MED25: variants seen among roughly 807,000 people sequenced by gnomAD.
MED25 encodes mediator complex subunit 25.
In MED25, 62 loss-of-function variants were observed where a neutral mutation model predicts 89.4. The observed-to-expected ratio is 0.69, with a 90% CI of 0.57 to 0.86. The LOEUF (loss-of-function observed/expected upper bound fraction) is 0.86. MED25 is among the 40% of genes least tolerant of loss of function. The pLI, the probability that MED25 is intolerant of heterozygous loss-of-function variation, is 0.00. For synonymous variants in MED25, 449 were observed against 427.9 expected (o/e 1.05, Z -0.61); for missense variants, 905 against 1,005.2 (o/e 0.90, Z 1.35).
Position 49,831,278 on chromosome 19 carries a change from C to T in MED25, c.1102-55C>T, listed in dbSNP as rs1465417183. 3 of 1,581,222 alleles carry T rather than the reference C, an allele frequency of 1.9e-6. No individual in the cohort carries two copies. The highest frequency in any genetic ancestry group is 2.3e-5 in the East Asian group (1 of 44,046). ...CTGGTTTGCCCTCACAGGATGGCCC[C>T]CGGAGGCTCCCGGCCTTCCCCATTC... On this transcript the variant is annotated intron_variant, in intron 9 of 17. Transcript: ENST00000312865. This position sits in a 1 kb window ranked among gnomAD's most constrained non-coding sequence, Gnocchi z 5.0.
intron 3 of MED25, among the ~76,000 whole-genome samples, chr19:49,822,352 A>G (rs1438557111): frequency 1.3e-5 from 2 of 150,746 alleles, no homozygotes; most frequent in Non-Finnish European, 2.9e-5. Context: ...AGGCTGAGGC[A>G]GGAGAATCAC....
chr19:49,836,834 C>A lies in MED25; in HGVS notation c.2147-13C>A, dbSNP rs371599233. ...CTACTGGGAGATGCAGTCCCTTCCC[C>A]ACTGCCCCTCAGGTCAGATGCTGCT... On this transcript the variant is annotated splice_polypyrimidine_tract_variant and intron_variant, in intron 17 of 17. Transcript: ENST00000312865. The surrounding 1 kb of genome is among the most constrained non-coding windows in gnomAD (Gnocchi z 5.1). The A allele has an allele frequency of 1.2e-6, 2 of 1,601,694 alleles. No individual in the cohort carries two copies. The highest frequency in any genetic ancestry group is 3.4e-5 in the Admixed American group (2 of 59,698).
chr19:49,831,468 G>A lies in MED25; in HGVS notation c.1230+7G>A, dbSNP rs1412475364. 7.4e-6 allele frequency: 12 copies of A among 1,611,618 alleles called. No homozygotes were observed. The highest frequency in any genetic ancestry group is 1.0e-5 in the Non-Finnish European group (12 of 1,178,896). ...GGTCCTGGAGTGGCAAGAGGTGAGG[G>A]GCCTGAGGGTCCATTGGGCACTTGG... is the stretch of plus-strand genomic sequence containing the variant. On this transcript the variant is annotated splice_region_variant and intron_variant, in intron 10 of 17. Transcript: ENST00000312865. The surrounding 1 kb of genome is among the most constrained non-coding windows in gnomAD (Gnocchi z 5.0).
chr19:49,832,204 C>G, intron 12 of MED25, 47 bp downstream of exon 12: 1 of 1,599,784 alleles, frequency 6.3e-7, no homozygotes, highest in Non-Finnish European at 8.5e-7. Context: ...AGTCCTCACC[C>G]TGCTGTCTCT....
At position 49,830,443 on chromosome 19, in the gene MED25, C is replaced by T. The variant is rs1289258957; in HGVS notation, c.820-68C>T. 7.9e-6 allele frequency: 12 copies of T among 1,517,632 alleles called. No individual in the cohort carries two copies. The South Asian group carries it at 1.0e-4, about 13-fold the overall frequency. 94.0% of individuals were successfully genotyped at this position (1,517,632 alleles called of 1,614,324 possible). On this transcript the variant is annotated intron_variant, in intron 7 of 17. Coordinates refer to ENST00000312865, the MANE Select transcript of MED25 (RefSeq NM_030973.4). This position sits in a 1 kb window ranked among gnomAD's most constrained non-coding sequence, Gnocchi z 4.6. ...CATGGGGCCATGGGTGGTGTGACCT[C>T]GTGGGATACCAGGACTGGGGGGCCA...
chr19:49,836,151 C>T lies in MED25; in HGVS notation c.1966-75C>T. ...TCCCCTCACCACTAGCTGATTCCAT[C>T]TCTGAGCAGTGTCTGTGTTGAGAGG... is the stretch of plus-strand genomic sequence containing the variant. On this transcript the variant is annotated intron_variant, in intron 16 of 17. Transcript: ENST00000312865. The surrounding 1 kb of genome is among the most constrained non-coding windows in gnomAD (Gnocchi z 5.1). The T allele has an allele frequency of 4.5e-6, 7 of 1,555,110 alleles. No individual in the cohort carries two copies. The highest frequency in any genetic ancestry group is 2.3e-5 in the East Asian group (1 of 44,186).
rs2074102680 is a variant in MED25, at chr19:49,836,847, G to A, written c.2147G>A (p.Gly716Asp). The A allele has an allele frequency of 6.2e-7, 1 of 1,610,318 alleles. No homozygotes were observed. Among genetic ancestry groups the A allele is most frequent in the Non-Finnish European group, 8.5e-7 (1 of 1,178,446 alleles). ...CAGTCCCTTCCCCACTGCCCCTCAG[G>A]TCAGATGCTGCTGAGCGGGGGTCCC... The part of the protein sequence containing the change: ...AQLPPRAPLP[G>D]QMLLSGGPRG... Residue 716 changes from glycine to aspartate, a missense_variant and splice_region_variant, in exon 18 of 18, where the codon GGT becomes GAT. By Grantham distance (94) the Gly-to-Asp change is moderately conservative. Coordinates refer to ENST00000312865, the MANE Select transcript of MED25 (RefSeq NM_030973.4). The surrounding 1 kb of genome is among the most constrained non-coding windows in gnomAD (Gnocchi z 5.1).
At position 49,829,947 on chromosome 19, in the gene MED25, T is replaced by C. The variant is rs1328653595; in HGVS notation, c.687T>C (p.Pro229=). 1 of 1,610,988 alleles carries C rather than the reference T, an allele frequency of 6.2e-7. No individual in the cohort carries two copies. Among genetic ancestry groups the C allele is most frequent in the South Asian group, 1.1e-5 (1 of 91,004 alleles). Residue 229 remains proline, a splice_region_variant and synonymous_variant, in exon 6 of 18, where the codon CCT becomes CCC. Transcript: ENST00000312865. This position sits in a 1 kb window ranked among gnomAD's most constrained non-coding sequence, Gnocchi z 4.6. ...TGCTGGTTCGGGGACTCGTGCTGCC[T>C]GGTGAGGCCTGGGCACCGTGCGCGG... The part of the protein sequence containing the change: ...HMVLVRGLVL[P]VGGGSAPGPL...
chr19:49,818,536 G>C (rs1292809696), intron 1 of MED25, 35 bp from the exon 2 acceptor site: 1 of 1,614,200 alleles, frequency 6.2e-7, no homozygotes, highest in Non-Finnish European at 8.5e-7. Flanking sequence ...ACAGTTTCTT[G>C]CCTGACTCCG....
intron 3 of MED25, among the ~76,000 whole-genome samples, chr19:49,821,979 A>AT (rs963772319): frequency 1.4e-4 from 20 of 148,102 alleles, no homozygotes; most frequent in African/African-American, 5.0e-4. Context: ...AAATACAAAA[A>AT]TTGGGCAGGC....
Position 49,830,250 on chromosome 19 carries a change from TG to T in MED25, c.819+36del. Reference sequence around the variant, plus strand: ...ATATTTCCGGGAAGGGACATGCTTCTGGGGACTTGCTGGAGCCCTGGCCCCT... The same window carrying T: ...ATATTTCCGGGAAGGGACATGCTTCTGGGACTTGCTGGAGCCCTGGCCCCT... On this transcript the variant is annotated intron_variant, in intron 7 of 17. Transcript: ENST00000312865. This position sits in a 1 kb window ranked among gnomAD's most constrained non-coding sequence, Gnocchi z 4.6. The T allele has an allele frequency of 6.2e-7, 1 of 1,602,296 alleles. No homozygotes were observed.
chr19:49,828,724 G>A (rs957774664), intron 4 of MED25, among the ~76,000 whole-genome samples, 177 bp downstream of exon 4: 41 of 152,302 alleles, frequency 2.7e-4, no homozygotes, highest in East Asian at 1.2e-3. Flanking sequence ...GCCAGTGCCC[G>A]GTCTCAGCAT....
chr19:49,838,238 G>T (rs920981122), downstream of MED25, among the ~76,000 whole-genome samples: 1 of 152,196 alleles, frequency 6.6e-6, no homozygotes, highest in Non-Finnish European at 1.5e-5. Context: ...CCTTCCCTGT[G>T]TTAGCATATG....
intron 3 of MED25, among the ~76,000 whole-genome samples, chr19:49,822,422 T>C (rs1360480170): frequency 6.6e-6 from 1 of 151,990 alleles, no homozygotes; most frequent in Admixed American, 6.6e-5. Flanking sequence ...ACTGACTGAC[T>C]GAGACCCTGT....
At chr19:49,838,516 G>A (rs1371737845), downstream of MED25, 1 of 454,256 alleles carries the variant, frequency 2.2e-6, no homozygotes, top group Non-Finnish European at 4.4e-6. Context: ...TTGCACTGTG[G>A]TTGTTCTGTG....
intron 3 of MED25, among the ~76,000 whole-genome samples, chr19:49,825,731 T>C (rs960818189): frequency 6.6e-6 from 1 of 151,702 alleles, no homozygotes; most frequent in African/African-American, 2.4e-5. Context: ...CTCGGGAGGC[T>C]GAGGCAGGAG....
chr19:49,819,582 T>G, intron 3 of MED25: 1 of 419,652 alleles, frequency 2.4e-6, no homozygotes. Flanking sequence ...CAGAAGTCAC[T>G]TTTGTGGTGG....
At chr19:49,837,659 C>T (rs1406056729), downstream of MED25, among the ~76,000 whole-genome samples, 1 of 151,978 alleles carries the variant, frequency 6.6e-6, no homozygotes, top group Non-Finnish European at 1.5e-5. Context: ...CTCCCGGGGG[C>T]CAGGCCTACG....
chr19:49,818,299 G>A lies in MED25; in HGVS notation c.-43G>A. 1 of 1,553,756 alleles carries A rather than the reference G, an allele frequency of 6.4e-7. No individual in the cohort carries two copies. The highest frequency in any genetic ancestry group is 1.2e-5 in the South Asian group (1 of 86,322). Reference sequence around the variant, plus strand: ...GGCGCATTTCTGCTCATTCCGCGGCGTCGGCTGCGGCTGCAGTGGTGGTGG... The same window carrying A: ...GGCGCATTTCTGCTCATTCCGCGGCATCGGCTGCGGCTGCAGTGGTGGTGG... On this transcript the variant is annotated 5_prime_UTR_variant, in exon 1 of 18. Coordinates refer to ENST00000312865, the MANE Select transcript of MED25 (RefSeq NM_030973.4).
Sources: allele counts gnomAD v4.1 joint callset (sites outside exome capture counted in the v4.1 genomes callset), GRCh38; gene constraint gnomAD v4.1.1; non-coding constraint Gnocchi (gnomAD v3.1); transcripts MANE v1.5; gene names NCBI Gene and HGNC (gene_info 2026-07-23, HGNC 2026-07-21).